RARB: variants seen among roughly 807,000 people sequenced by gnomAD.
RARB encodes retinoic acid receptor beta, also known as HBV-activated protein.
A neutral mutation model predicts 51.9 loss-of-function variants in RARB; 17 were observed. The ratio of observed to expected loss-of-function variants is 0.33; its 90% CI spans 0.22 to 0.49. The LOEUF is 0.49. RARB is among the 20% of genes least tolerant of loss of function. RARB has a pLI of 0.99. For synonymous variants in RARB, 215 were observed against 195.4 expected (o/e 1.10, Z -0.84); for missense variants, 369 against 550.8 (o/e 0.67, Z 3.30).
rs146529177 is a variant in RARB at position 25,318,179 on chromosome 3, A to G, written c.179-143014A>G. Among the ~76,000 whole-genome samples the G allele has an allele frequency of 4.3e-4, 65 of 152,204 alleles. 1 individual carries two copies. The East Asian group carries it at 0.012, about 27-fold the overall frequency. ...TTCTTTTTCTCTTTCCTCCCTCTTTATGTATAGCTGAGTTCAGTCACCATC... is the reference window on the plus strand; with the variant it reads ...TTCTTTTTCTCTTTCCTCCCTCTTTGTGTATAGCTGAGTTCAGTCACCATC... On this transcript the variant is annotated intron_variant, in intron 5 of 11. Transcript: ENST00000383772.
chr3:25,443,576 G>A (rs1195378142), intron 1 of RARB, among the ~76,000 whole-genome samples: 3 of 151,072 alleles, frequency 2.0e-5, no homozygotes, highest in Admixed American at 6.6e-5. Context: ...TTGCACCATC[G>A]TTCTCTAGCC....
intron 3 of RARB, among the ~76,000 whole-genome samples, chr3:25,502,645 G>T (rs762193421): frequency 6.6e-6 from 1 of 152,132 alleles, no homozygotes; most frequent in Admixed American, 6.5e-5. Context: ...TGTTCCAGCC[G>T]CATGCGTGAA....
chr3:25,515,720 A>C (rs1200861624), intron 3 of RARB, among the ~76,000 whole-genome samples: 1 of 152,224 alleles, frequency 6.6e-6, no homozygotes, highest in Non-Finnish European at 1.5e-5. Flanking sequence ...AAACTTGTCT[A>C]TATGATAATG....
intron 5 of RARB, among the ~76,000 whole-genome samples, chr3:25,290,363 C>T (rs1003090580): frequency 3.9e-5 from 6 of 152,178 alleles, no homozygotes; most frequent in African/African-American, 1.4e-4. Flanking sequence ...GACCCTACCA[C>T]CCCCTCGAGA....
At chr3:25,556,984 A>G (rs1700086760) in intron 3 of RARB, among the ~76,000 whole-genome samples, 1 of 152,216 alleles carries the variant, frequency 6.6e-6, no homozygotes, top group Admixed American at 6.5e-5. Flanking sequence ...AATTCTTGTA[A>G]ACAATTCCTG....
chr3:24,919,220 T>C (rs1022108938), intron 2 of RARB, among the ~76,000 whole-genome samples: 5 of 152,250 alleles, frequency 3.3e-5, no homozygotes, highest in African/African-American at 1.2e-4. Context: ...ATTTCACTAC[T>C]TTTTGGCTCA....
At chr3:25,102,580 T>C (rs6550947) in intron 3 of RARB, among the ~76,000 whole-genome samples, 2 of 151,786 alleles carry the variant, frequency 1.3e-5, no homozygotes. Flanking sequence ...AAAATACACA[T>C]GTTCAAAATA....
chr3:24,884,930 C>A (rs752218435), intron 2 of RARB, among the ~76,000 whole-genome samples: 3 of 152,134 alleles, frequency 2.0e-5, no homozygotes, highest in Non-Finnish European at 1.5e-5. Context: ...GGCCATACTT[C>A]TTTTCCCCAC....
At chr3:24,884,425 GT>G (rs1449867084) in intron 2 of RARB, among the ~76,000 whole-genome samples, 1 of 152,162 alleles carries the variant, frequency 6.6e-6, no homozygotes, top group East Asian at 1.9e-4. Flanking sequence ...TGCAACAGGG[GT>G]GGAAATACTG....
At chr3:25,543,821 A>T (rs1008685305) in intron 3 of RARB, among the ~76,000 whole-genome samples, 6 of 152,320 alleles carry the variant, frequency 3.9e-5, no homozygotes, top group Middle Eastern at 3.4e-3. Context: ...CACCCCCATG[A>T]TCTTCAATGA....
chr3:25,357,917 A>G (rs1485799475), intron 5 of RARB, among the ~76,000 whole-genome samples: 3 of 152,160 alleles, frequency 2.0e-5, no homozygotes, highest in African/African-American at 4.8e-5. Flanking sequence ...GTAGCCTTGT[A>G]GTATAGTTTG....
chr3:25,165,913 C>CAAA (rs1362150634), intron 4 of RARB, among the ~76,000 whole-genome samples: 2 of 152,130 alleles, frequency 1.3e-5, no homozygotes, highest in Non-Finnish European at 2.9e-5. Context: ...AACTCTGTTT[C>CAAA]TTTAGCAGAT....
chr3:25,085,418 C>T (rs1039313320), intron 3 of RARB, among the ~76,000 whole-genome samples: 1 of 152,026 alleles, frequency 6.6e-6, no homozygotes, highest in Non-Finnish European at 1.5e-5. Flanking sequence ...AAAGATTTTC[C>T]AGATTCTAGT....
intron 4 of RARB, among the ~76,000 whole-genome samples, chr3:25,577,760 A>T (rs934140549): frequency 6.6e-6 from 1 of 152,188 alleles, no homozygotes; most frequent in Non-Finnish European, 1.5e-5. Context: ...CCAGCAGAAG[A>T]AAGGGATCCA....
intron 5 of RARB, among the ~76,000 whole-genome samples, chr3:25,353,279 C>T (rs940935205): frequency 2.0e-5 from 3 of 152,132 alleles, no homozygotes; most frequent in South Asian, 2.1e-4. Flanking sequence ...TAGTGGCACT[C>T]GTGGACAGAA....
chr3:25,236,405 C>A (rs981788138), intron 5 of RARB, among the ~76,000 whole-genome samples: 1 of 152,098 alleles, frequency 6.6e-6, no homozygotes, highest in African/African-American at 2.4e-5. Flanking sequence ...ATATCTGTAG[C>A]CACATATTCA....
At chr3:25,550,565 G>T (rs1391560856) in intron 3 of RARB, among the ~76,000 whole-genome samples, 1 of 152,024 alleles carries the variant, frequency 6.6e-6, no homozygotes, top group Non-Finnish European at 1.5e-5. Flanking sequence ...ACCTCCCAAA[G>T]GCCTCGCCTT....
chr3:25,254,823 ACT>A lies in RARB; in HGVS notation c.178+80251_178+80252del, dbSNP rs1259010670. Among the ~76,000 whole-genome samples the A allele has an allele frequency of 2.0e-5, 3 of 151,488 alleles. No homozygotes were observed. In the East Asian group the frequency reaches 5.9e-4, roughly 30 times the overall value. The stretch of plus-strand genomic sequence containing the variant: ...TTGGACGGATATAAAACTGTCTTTG[ACT>A]CTGCCATTACCTTGGACAACTTACA... On this transcript the variant is annotated intron_variant, in intron 5 of 11. Coordinates refer to the RARB transcript ENST00000383772.
intron 2 of RARB, among the ~76,000 whole-genome samples, chr3:24,953,539 G>A (rs1695943730): frequency 2.0e-5 from 3 of 152,134 alleles, no homozygotes; most frequent in Admixed American, 6.5e-5. Flanking sequence ...TGAACTCAAA[G>A]CTTGGCTCTG....
Sources: gnomAD v4.1 joint callset for allele counts (sites outside exome capture counted in the v4.1 genomes callset) on GRCh38, gnomAD v4.1.1 for gene constraint, MANE v1.5 for transcripts, NCBI Gene and HGNC (gene_info 2026-07-23, HGNC 2026-07-21) for gene names.